CAMK2D: variants seen among roughly 807,000 people sequenced by gnomAD.
CAMK2D encodes calcium/calmodulin dependent protein kinase II delta.
Under a neutral mutation model 84.0 loss-of-function variants are expected in CAMK2D, and 37 were observed. The ratio of observed to expected loss-of-function variants is 0.44; its 90% CI spans 0.34 to 0.58. The LOEUF is 0.58. Ranked by LOEUF, CAMK2D falls within the 20% of genes least tolerant of loss-of-function variation. The pLI is 0.02. For synonymous variants in CAMK2D, 202 were observed against 212.5 expected, an observed-to-expected ratio of 0.95 and a Z score of 0.43; for missense variants, 448 against 652.5, an observed-to-expected ratio of 0.69 and a Z score of 3.41.
rs72903984 is a variant in CAMK2D at position 113,475,195 on chromosome 4, A to G, written c.1136-9591T>C. Among the ~76,000 whole-genome samples, 631 of 152,304 alleles carry G rather than the reference A, an allele frequency of 4.1e-3. 8 individuals carry two copies. The highest frequency in any genetic ancestry group is 0.014 in the African/African-American group (589 of 41,566). On this transcript the variant is annotated intron_variant, in intron 16 of 20. Transcript: ENST00000511664. ...TAGAATTTAGTTTATTCCTGGGTAAATTCATTTATAGCCACATTTTCCTGA... is the reference window on the plus strand; with the variant it reads ...TAGAATTTAGTTTATTCCTGGGTAAGTTCATTTATAGCCACATTTTCCTGA...
At chr4:113,635,313 C>T (rs556731481) in intron 3 of CAMK2D, among the ~76,000 whole-genome samples, 28 of 152,154 alleles carry the variant, frequency 1.8e-4, no homozygotes, top group Non-Finnish European at 4.0e-4. Context: ...AATAATTTGA[C>T]CAGTTATTAT....
chr4:113,710,241 A>G (rs1347203029), intron 2 of CAMK2D, among the ~76,000 whole-genome samples: 1 of 152,128 alleles, frequency 6.6e-6, no homozygotes, highest in Non-Finnish European at 1.5e-5. Flanking sequence ...TGAGCTGGAA[A>G]CTCATCACTA....
intron 6 of CAMK2D, among the ~76,000 whole-genome samples, chr4:113,538,205 C>T (rs1465257546): frequency 6.6e-6 from 1 of 151,434 alleles, no homozygotes; most frequent in Non-Finnish European, 1.5e-5. Context: ...TTTTTATTTT[C>T]TTGGGTACTT....
At chr4:113,591,959 G>A (rs1489820517) in intron 4 of CAMK2D, among the ~76,000 whole-genome samples, 1 of 152,126 alleles carries the variant, frequency 6.6e-6, no homozygotes, top group African/African-American at 2.4e-5. Context: ...TAGGTTGTAA[G>A]CTCTTTGTAG....
chr4:113,691,187 C>T (rs183511067), intron 2 of CAMK2D, among the ~76,000 whole-genome samples: 26 of 152,246 alleles, frequency 1.7e-4, no homozygotes, highest in African/African-American at 5.1e-4. Context: ...AAAAGACATA[C>T]GTCACCCATT....
At chr4:113,683,657 A>C (rs2099351913) in intron 2 of CAMK2D, among the ~76,000 whole-genome samples, 1 of 152,244 alleles carries the variant, frequency 6.6e-6, no homozygotes, top group Admixed American at 6.5e-5. Flanking sequence ...TAAAAGGAAT[A>C]GCATGATTAA....
At chr4:113,704,755 C>A (rs564843256) in intron 2 of CAMK2D, among the ~76,000 whole-genome samples, 3 of 151,878 alleles carry the variant, frequency 2.0e-5, no homozygotes, top group Non-Finnish European at 4.4e-5. Flanking sequence ...GGTTAAGAAC[C>A]TTTTCACTAA....
At chr4:113,619,806 T>A (rs10012931) in intron 3 of CAMK2D, among the ~76,000 whole-genome samples, 86,549 of 151,908 alleles carry the variant, frequency 0.57, 26,166 homozygotes, top group East Asian at 0.83. Context: ...TAATTGCAAC[T>A]AAGACATGTC....
At chr4:113,641,178 A>T (rs1482351925) in intron 3 of CAMK2D, among the ~76,000 whole-genome samples, 1 of 152,246 alleles carries the variant, frequency 6.6e-6, no homozygotes, top group African/African-American at 2.4e-5. Context: ...ACAGCTGCAC[A>T]GAGAGCTTTC....
At chr4:113,651,193 A>G (rs1331295987) in intron 3 of CAMK2D, among the ~76,000 whole-genome samples, 2 of 152,200 alleles carry the variant, frequency 1.3e-5, no homozygotes, top group African/African-American at 2.4e-5. Flanking sequence ...AACATAGACC[A>G]TTAGACTTCT....
At chr4:113,716,649 CAAAA>C (rs397750449) in intron 2 of CAMK2D, among the ~76,000 whole-genome samples, 4 of 76,174 alleles carry the variant, frequency 5.3e-5, no homozygotes, top group South Asian at 6.5e-4. Context: ...AGACTCCATC[CAAAA>C]AAAAAAAAAA....
Position 113,465,578 on chromosome 4 carries a change from T to C in CAMK2D, c.1162A>G (p.Thr388Ala). The C allele has an allele frequency of 6.2e-7, 1 of 1,612,856 alleles. No individual in the cohort carries two copies. The highest frequency in any genetic ancestry group is 1.3e-5 in the African/African-American group (1 of 75,016). The part of the protein sequence containing the change: ...KARKQEIIKV[T>A]EQLIEAINNG... ...TTGATAGCTTCGATCAGTTGTTCAG[T>C]GACTTTGATAATCTCTTGCTTTCGT... The change falls in exon 17 of 21, where the codon ACT becomes GCT. Residue 388 changes from threonine (T) to alanine (A), a missense_variant. By Grantham distance (58) the Thr-to-Ala change is moderately conservative. Around this residue, in one of 7 missense-constraint regions of CAMK2D, gnomAD observed 219 missense variants for 272.1 expected, o/e 0.80. Transcript: ENST00000511664.
chr4:113,632,794 G>A (rs1266971353), intron 3 of CAMK2D, among the ~76,000 whole-genome samples: 1 of 152,116 alleles, frequency 6.6e-6, no homozygotes, highest in African/African-American at 2.4e-5. Context: ...TGCTTTCAGG[G>A]AGAAACAGAA....
At chr4:113,515,404 A>AG (rs1430284791) in intron 9 of CAMK2D, among the ~76,000 whole-genome samples, 1 of 152,158 alleles carries the variant, frequency 6.6e-6, no homozygotes, top group Non-Finnish European at 1.5e-5. Flanking sequence ...GTATCTGATA[A>AG]GGGACCAACA....
chr4:113,558,297 G>GTA (rs1270822809), intron 4 of CAMK2D, among the ~76,000 whole-genome samples: 24 of 152,300 alleles, frequency 1.6e-4, no homozygotes, highest in Middle Eastern at 3.4e-3. Flanking sequence ...TATATGTATA[G>GTA]TAACTGTTTT....
intron 2 of CAMK2D, among the ~76,000 whole-genome samples, chr4:113,727,351 A>T (rs1348342638): frequency 2.0e-5 from 3 of 152,216 alleles, no homozygotes; most frequent in Non-Finnish European, 2.9e-5. Context: ...TGGCATAAGG[A>T]TATACAAATT....
At chr4:113,678,437 G>A (rs1400497569) in intron 2 of CAMK2D, among the ~76,000 whole-genome samples, 1 of 150,414 alleles carries the variant, frequency 6.6e-6, no homozygotes, top group East Asian at 1.9e-4. Flanking sequence ...TTCCATTTCT[G>A]TGATTTTATA....
chr4:113,542,166 G>A (rs73841676), intron 6 of CAMK2D, among the ~76,000 whole-genome samples: 9,338 of 152,224 alleles, frequency 0.061, 837 homozygotes, highest in African/African-American at 0.2. Context: ...CAGTGGGAGA[G>A]TGCCAATTAC....
At chr4:113,555,492 T>C (rs2098658374) in intron 4 of CAMK2D, among the ~76,000 whole-genome samples, 1 of 152,166 alleles carries the variant, frequency 6.6e-6, no homozygotes, top group South Asian at 2.1e-4. Flanking sequence ...TTGCCAGACC[T>C]GAAATCCAAG....
Sources: gnomAD v4.1 joint callset for allele counts (sites outside exome capture counted in the v4.1 genomes callset) on GRCh38, gnomAD v4.1.1 for gene constraint, gnomAD v4.1.1 regional missense constraint, MANE v1.5 for transcripts, NCBI Gene and HGNC (gene_info 2026-07-23, HGNC 2026-07-21) for gene names.